Variants in DNAJC15 observed in about 807,000 individuals in gnomAD.
DNAJC15 encodes dnaJ homolog subfamily C member 15.
A neutral mutation model predicts 22.4 loss-of-function variants in DNAJC15; 27 were observed. The ratio of observed to expected loss-of-function variants is 1.20; its 90% CI spans 0.89 to 1.66. The LOEUF (loss-of-function observed/expected upper bound fraction) is 1.66. Among genes scored for constraint, DNAJC15 ranks in the 40% most tolerant of loss-of-function variants. The pLI is 0.00. For synonymous variants in DNAJC15, 79 were observed against 63.2 expected (o/e 1.25, Z -1.19); for missense variants, 208 against 187.1 (o/e 1.11, Z -0.65).
intron 3 of DNAJC15, among the ~76,000 whole-genome samples, chr13:43,069,562 A>G (rs887047960): frequency 2.6e-5 from 4 of 152,234 alleles, no homozygotes; most frequent in African/African-American, 9.6e-5. Flanking sequence ...TGTAAGTGAA[A>G]AAATGAATGA....
intron 1 of DNAJC15, among the ~76,000 whole-genome samples, chr13:43,033,400 G>C (rs941847367): frequency 5.3e-5 from 8 of 151,966 alleles, no homozygotes; most frequent in African/African-American, 1.9e-4. Flanking sequence ...CTGGGTGACA[G>C]AGTGAGACCC....
In DNAJC15 at chr13:43,078,643, A is replaced by C; in HGVS notation, c.266A>C (p.Glu89Ala). Residue 89 changes from glutamate to alanine, a missense_variant, in exon 4 of 6, where the codon GAA becomes GCA. Glu to Ala is a moderately radical substitution (Grantham distance 107). Transcript: ENST00000379221. ...TCATCCTACTATAAAGGAGGATTTG[A>C]ACAGAAAATGAGTAGGCGAGAAGCT... The part of the protein sequence containing the change: ...SFSSYYKGGF[E>A]QKMSRREAGL... 1 of 1,613,650 alleles carries C rather than the reference A, an allele frequency of 6.2e-7. No individual in the cohort carries two copies. Among genetic ancestry groups the C allele is most frequent in the Non-Finnish European group, 8.5e-7 (1 of 1,179,688 alleles).
intron 5 of DNAJC15, among the ~76,000 whole-genome samples, chr13:43,093,091 T>C (rs2153441912): frequency 6.6e-6 from 1 of 152,368 alleles, no homozygotes; most frequent in East Asian, 1.9e-4. Flanking sequence ...TTAAACTATC[T>C]ATTAAGCTCT....
At chr13:43,058,665 C>T (rs190295539) in intron 1 of DNAJC15, among the ~76,000 whole-genome samples, 2 of 152,180 alleles carry the variant, frequency 1.3e-5, no homozygotes, top group Non-Finnish European at 2.9e-5. Context: ...AAAATTCATG[C>T]TCAATTGAAA....
intron 1 of DNAJC15, among the ~76,000 whole-genome samples, chr13:43,032,783 C>G (rs535959622): frequency 7.2e-5 from 11 of 152,254 alleles, no homozygotes; most frequent in African/African-American, 2.6e-4. Context: ...CCAGATCACA[C>G]CACTGCACTG....
At chr13:43,035,914 T>TG (rs1045283045) in intron 1 of DNAJC15, among the ~76,000 whole-genome samples, 1 of 151,738 alleles carries the variant, frequency 6.6e-6, no homozygotes, top group African/African-American at 2.4e-5. Flanking sequence ...TTGGTAGAGA[T>TG]GGGGGTCTTG....
intron 1 of DNAJC15, among the ~76,000 whole-genome samples, chr13:43,059,319 G>C (rs2040546104): frequency 6.6e-6 from 1 of 152,168 alleles, no homozygotes. Flanking sequence ...TGTGCTCTAG[G>C]AGTTGAAGAT....
Position 43,076,642 on chromosome 13 carries a change from G to A in DNAJC15, c.235-1970G>A, listed in dbSNP as rs544629567. Among the ~76,000 whole-genome samples the A allele has an allele frequency of 8.5e-5, 13 of 152,206 alleles. No individual in the cohort carries two copies. In the South Asian group the frequency reaches 1.0e-3, roughly 12 times the overall value. ...GGTTTCATGCTTAGAAACGTTTAATGCCTGTAATCATATATGTGTATGTTT... is the reference window on the plus strand; with the variant it reads ...GGTTTCATGCTTAGAAACGTTTAATACCTGTAATCATATATGTGTATGTTT... On this transcript the variant is annotated intron_variant, in intron 3 of 5. Coordinates refer to ENST00000379221, the MANE Select transcript of DNAJC15 (RefSeq NM_013238.3).
At chr13:43,044,860 A>G (rs958004164) in intron 1 of DNAJC15, among the ~76,000 whole-genome samples, 2 of 151,860 alleles carry the variant, frequency 1.3e-5, no homozygotes, top group Admixed American at 1.3e-4. Context: ...AGTGACCATT[A>G]TCTCTTTCAT....
intron 1 of DNAJC15, among the ~76,000 whole-genome samples, chr13:43,024,337 G>GTTTGT (rs2040368596): frequency 1.1e-5 from 1 of 93,402 alleles, no homozygotes; most frequent in Non-Finnish European, 1.9e-5. Flanking sequence ...GTATTTTTAC[G>GTTTGT]TTTTTTTTTT....
At chr13:43,061,317 G>A (rs929477417) in intron 1 of DNAJC15, among the ~76,000 whole-genome samples, 8 of 152,118 alleles carry the variant, frequency 5.3e-5, no homozygotes, top group East Asian at 1.9e-4. Flanking sequence ...AAGTTTGAAC[G>A]CTAGCTGCTT....
intron 4 of DNAJC15, among the ~76,000 whole-genome samples, chr13:43,083,819 C>T (rs936356436): frequency 1.8e-4 from 27 of 152,052 alleles, no homozygotes; most frequent in African/African-American, 6.0e-4. Context: ...TGGGAGGTAC[C>T]TACAAGCCAA....
chr13:43,108,051 G>GA lies in DNAJC15; in HGVS notation c.*805dup, dbSNP rs1305598537. 6.6e-6 allele frequency: 1 copy of GA among 152,590 alleles called. No individual in the cohort carries two copies. Among genetic ancestry groups the GA allele is most frequent in the Non-Finnish European group, 1.5e-5 (1 of 68,018 alleles). The allele number at this position is 152,590 out of a possible 1,614,324, so 9.5% of individuals were successfully genotyped here. On this transcript the variant is annotated 3_prime_UTR_variant, in exon 6 of 6. Coordinates refer to ENST00000379221, the MANE Select transcript of DNAJC15 (RefSeq NM_013238.3). ...CAAGTATGAAGCAGTCATGGATCATGAACCAAAGGAACTTATATGTAGAGG... is the reference window on the plus strand; with the variant it reads ...CAAGTATGAAGCAGTCATGGATCATGAAACCAAAGGAACTTATATGTAGAGG...
intron 5 of DNAJC15, among the ~76,000 whole-genome samples, chr13:43,086,131 C>T (rs2040687173): frequency 6.6e-6 from 1 of 152,150 alleles, no homozygotes; most frequent in Non-Finnish European, 1.5e-5. Context: ...GTTATGGACT[C>T]TTTGGTTGTA....
At chr13:43,040,038 A>AG (rs5803162) in intron 1 of DNAJC15, among the ~76,000 whole-genome samples, 80,867 of 151,466 alleles carry the variant, frequency 0.53, 21,632 homozygotes, top group South Asian at 0.64. Context: ...AGAGAGAAAA[A>AG]GAAATATATA....
At chr13:43,041,137 A>G (rs899628651) in intron 1 of DNAJC15, among the ~76,000 whole-genome samples, 3 of 152,258 alleles carry the variant, frequency 2.0e-5, no homozygotes, top group Non-Finnish European at 2.9e-5. Flanking sequence ...CCACGAGGCC[A>G]TATTTCAGAC....
intron 1 of DNAJC15, among the ~76,000 whole-genome samples, chr13:43,048,939 G>T (rs2040490434): frequency 6.6e-6 from 1 of 151,762 alleles, no homozygotes. Flanking sequence ...ACTAAAACTT[G>T]CCCAAGGCAG....
rs1445197083 is a variant in DNAJC15, at chr13:43,111,127, C to G, written c.*3879C>G. ...TTTAGTTGATGGTGCCAGTCTTCAG[C>G]GTAAAGTCAAAAGTGGAGGGAAGTT... On this transcript the variant is annotated 3_prime_UTR_variant, in exon 6 of 6. Transcript: ENST00000379221. 2.6e-5 allele frequency: 4 copies of G among 152,220 alleles called. No homozygotes were observed. The highest frequency in any genetic ancestry group is 7.2e-5 in the African/African-American group (3 of 41,530). 9.4% of individuals were successfully genotyped at this position (152,220 alleles called of 1,614,324 possible).
At chr13:43,045,654 A>T (rs558582299) in intron 1 of DNAJC15, among the ~76,000 whole-genome samples, 1 of 152,328 alleles carries the variant, frequency 6.6e-6, no homozygotes, top group African/African-American at 2.4e-5. Flanking sequence ...GGTTTAGGCC[A>T]TGCAGGCTCG....
Sources: gnomAD v4.1 joint callset for allele counts (sites outside exome capture counted in the v4.1 genomes callset) on GRCh38, gnomAD v4.1.1 for gene constraint, MANE v1.5 for transcripts, NCBI Gene and HGNC (gene_info 2026-07-23, HGNC 2026-07-21) for gene names.